The following PREX2 variants were observed in gnomAD, a reference collection of about 807,000 sequenced individuals.
PREX2 encodes phosphatidylinositol-3,4,5-trisphosphate dependent Rac exchange factor 2, also known as phosphatidylinositol 3,4,5-trisphosphate-dependent Rac exchanger 2 protein.
In PREX2, 107 loss-of-function variants were observed where a neutral mutation model predicts 203.2. That is an observed-to-expected ratio of 0.53 (90% CI 0.45 to 0.62). The LOEUF is 0.62. PREX2 is among the 20% of genes least tolerant of loss of function. The probability of loss-of-function intolerance (pLI) is 0.00; values close to 1 mark genes in which losing one functional copy is unlikely to be tolerated. For missense variants in PREX2, 1,777 were observed against 1,955.9 expected, an observed-to-expected ratio of 0.91 and a Z score of 1.72; for synonymous variants, 672 against 663.6, an observed-to-expected ratio of 1.01 and a Z score of -0.19.
rs146441424 is a variant in PREX2, at chr8:68,193,844, G to T, written c.4604+1319G>T. Among the ~76,000 whole-genome samples the T allele has an allele frequency of 8.5e-5, 13 of 152,244 alleles. 1 individual carries two copies. Among genetic ancestry groups the T allele is most frequent in the African/African-American group, 3.1e-4 (13 of 41,550 alleles). On this transcript the variant is annotated intron_variant, in intron 37 of 39. Transcript: ENST00000288368. ...TTGAAGGCAGCAGCCTCTCCATCTG[G>T]GAAACTCCATTTTGCCTTGAGATGG...
chr8:68,095,770 T>C (rs148488286), intron 21 of PREX2, among the ~76,000 whole-genome samples: 1 of 152,064 alleles, frequency 6.6e-6, no homozygotes, highest in African/African-American at 2.4e-5. Flanking sequence ...CCCCTTCCAG[T>C]AGCTGGGACT....
At chr8:68,168,367 C>T (rs12682429) in intron 35 of PREX2, among the ~76,000 whole-genome samples, 48,082 of 151,988 alleles carry the variant, frequency 0.32, 7,796 homozygotes, top group East Asian at 0.49. Context: ...ATCAAACAGA[C>T]AGCTGACAAG....
intron 4 of PREX2, among the ~76,000 whole-genome samples, chr8:68,025,657 G>A (rs1401353885): frequency 2.0e-5 from 3 of 151,834 alleles, no homozygotes; most frequent in Non-Finnish European, 2.9e-5. Flanking sequence ...GTTTCCTCTT[G>A]GTTCCTGATG....
chr8:68,130,802 A>G (rs1284765124), intron 31 of PREX2, among the ~76,000 whole-genome samples: 1 of 152,192 alleles, frequency 6.6e-6, no homozygotes, highest in Non-Finnish European at 1.5e-5. Flanking sequence ...TGTGCTATAT[A>G]ATTAGCCCTC....
chr8:68,216,627 G>T (rs1322512247), intron 37 of PREX2, among the ~76,000 whole-genome samples: 1 of 151,914 alleles, frequency 6.6e-6, no homozygotes, highest in African/African-American at 2.4e-5. Flanking sequence ...GGCTTTCAGG[G>T]GTACTGTAGA....
chr8:68,120,305 A>G lies in PREX2; in HGVS notation c.3595+19A>G. 6.3e-7 allele frequency: 1 copy of G among 1,575,420 alleles called. No individual in the cohort carries two copies. Among genetic ancestry groups the G allele is most frequent in the Non-Finnish European group, 8.7e-7 (1 of 1,144,828 alleles). Reference sequence around the variant, plus strand: ...TTGCAAGGTAAGCCTTGAAAAATTAACTAGTAGAAGCAATTGAGAAAAACA... The same window carrying G: ...TTGCAAGGTAAGCCTTGAAAAATTAGCTAGTAGAAGCAATTGAGAAAAACA... On this transcript the variant is annotated intron_variant, in intron 29 of 39. Coordinates refer to ENST00000288368, the MANE Select transcript of PREX2 (RefSeq NM_024870.4).
intron 5 of PREX2, among the ~76,000 whole-genome samples, chr8:68,029,289 A>C (rs1807814386): frequency 6.6e-6 from 1 of 151,800 alleles, no homozygotes; most frequent in Non-Finnish European, 1.5e-5. Flanking sequence ...TTCATATTCA[A>C]CTCCTTAGAT....
At chr8:68,103,337 A>C (rs1810317017) in intron 23 of PREX2, among the ~76,000 whole-genome samples, 1 of 152,232 alleles carries the variant, frequency 6.6e-6, no homozygotes, top group Admixed American at 6.5e-5. Flanking sequence ...TATCTGCAAA[A>C]TAGTAGCTTA....
intron 13 of PREX2, among the ~76,000 whole-genome samples, chr8:68,070,351 G>T (rs1182853977): frequency 6.6e-6 from 1 of 151,516 alleles, no homozygotes; most frequent in African/African-American, 2.4e-5. Flanking sequence ...TGGAAATTAA[G>T]AATTATTTTG....
intron 11 of PREX2, among the ~76,000 whole-genome samples, chr8:68,063,354 G>T (rs557636380): frequency 1.3e-5 from 2 of 152,190 alleles, no homozygotes; most frequent in Admixed American, 1.3e-4. Context: ...GTGAAACTGA[G>T]TTGCAGCCAA....
rs775464980 is a variant in PREX2, at chr8:68,217,753, G to T, written c.4707+35G>T. On this transcript the variant is annotated intron_variant, in intron 38 of 39. Transcript: ENST00000288368. ...ATGCAGACTTGGGAATAGTTGTTTTGTAGGCCCTGGACTTGAAGATTCCTT... is the reference window on the plus strand; with the variant it reads ...ATGCAGACTTGGGAATAGTTGTTTTTTAGGCCCTGGACTTGAAGATTCCTT... The T allele has an allele frequency of 6.8e-6, 10 of 1,464,964 alleles. No homozygotes were observed. In the Middle Eastern group the frequency reaches 6.9e-4, roughly 101 times the overall value. 90.7% of individuals were successfully genotyped at this position (1,464,964 alleles called of 1,614,324 possible). A position where few individuals can be genotyped will look rare whatever the true frequency, so the allele number is the denominator to read the frequency against.
chr8:68,053,458 A>T (rs1299285868), intron 9 of PREX2, among the ~76,000 whole-genome samples: 1 of 152,212 alleles, frequency 6.6e-6, no homozygotes, highest in Non-Finnish European at 1.5e-5. Flanking sequence ...TAAAAGACTT[A>T]TTTGATACTT....
intron 4 of PREX2, among the ~76,000 whole-genome samples, chr8:68,022,555 T>G (rs989022775): frequency 3.3e-5 from 5 of 152,208 alleles, no homozygotes; most frequent in Non-Finnish European, 7.3e-5. Context: ...TACATACATT[T>G]CTTATTTTGT....
In PREX2 at chr8:68,118,596, T is replaced by C; in HGVS notation, c.3373T>C (p.Cys1125Arg). 6.2e-7 allele frequency: 1 copy of C among 1,614,128 alleles called. No individual in the cohort carries two copies. The change falls in exon 27 of 40, where the codon TGC (cysteine) becomes CGC (arginine). Residue 1125 changes from cysteine to arginine, a missense_variant. Cys to Arg is a radical substitution (Grantham distance 180). Coordinates refer to ENST00000288368, the MANE Select transcript of PREX2 (RefSeq NM_024870.4). ...RNSIASFTSI[C>R]SSQCSSYFHS... is the part of the protein sequence containing the mutation. ...TTCCATCGCCTCCTTCACCAGCATC[T>C]GCAGCAGCCAGTGCAGCTCGTATTT...
In PREX2 at chr8:68,155,539, T is replaced by C. The variant is rs537181835; in HGVS notation, c.4232-1783T>C. 7.9e-5 allele frequency among the ~76,000 whole-genome samples: 12 copies of C among 152,236 alleles called. No homozygotes were observed. In the South Asian group the frequency reaches 2.3e-3, roughly 29 times the overall value. On this transcript the variant is annotated intron_variant, in intron 34 of 39. Coordinates refer to ENST00000288368, the MANE Select transcript of PREX2 (RefSeq NM_024870.4). Reference sequence around the variant, plus strand: ...AGTTTCCTATTTCCCCCCCTCAAAATGGTGATAGTTTCTTTCACTTTAAAG... The same window carrying C: ...AGTTTCCTATTTCCCCCCCTCAAAACGGTGATAGTTTCTTTCACTTTAAAG...
chr8:68,008,044 A>G (rs893108453), intron 1 of PREX2, among the ~76,000 whole-genome samples: 2 of 152,196 alleles, frequency 1.3e-5, no homozygotes, highest in African/African-American at 4.8e-5. Flanking sequence ...TCACACATCT[A>G]GTAGTTGGCA....
At chr8:68,076,597 T>C (rs1030747) in intron 14 of PREX2, among the ~76,000 whole-genome samples, 6 of 151,762 alleles carry the variant, frequency 4.0e-5, no homozygotes, top group Admixed American at 6.6e-5. Flanking sequence ...TTTGGTAACA[T>C]ACCTAAGTGC....
chr8:68,219,610 C>T (rs150315962), intron 38 of PREX2, among the ~76,000 whole-genome samples: 244 of 152,248 alleles, frequency 1.6e-3, no homozygotes, highest in Non-Finnish European at 2.8e-3. Flanking sequence ...CAAGTTGTGA[C>T]GTCCCAATGG....
intron 21 of PREX2, among the ~76,000 whole-genome samples, chr8:68,095,559 A>G (rs201605540): frequency 1.5e-5 from 2 of 129,400 alleles, no homozygotes; most frequent in Non-Finnish European, 3.2e-5. Context: ...GTGTGTGTGT[A>G]TCTATGTGTG....
Sources: gnomAD v4.1 joint callset for allele counts (sites outside exome capture counted in the v4.1 genomes callset) on GRCh38, gnomAD v4.1.1 for gene constraint, MANE v1.5 for transcripts, NCBI Gene and HGNC (gene_info 2026-07-23, HGNC 2026-07-21) for gene names.